DHRSX: variants seen among roughly 807,000 people sequenced by gnomAD.
DHRSX encodes dehydrogenase/reductase X-linked.
In DHRSX, 31 loss-of-function variants were observed where a neutral mutation model predicts 34.0. The observed-to-expected ratio is 0.91, with a 90% CI of 0.69 to 1.23. DHRSX has a LOEUF of 1.23. Ranked by LOEUF, DHRSX falls within the 50% of genes most tolerant of loss-of-function variation. The pLI, the probability that DHRSX is intolerant of heterozygous loss-of-function variation, is 0.00. For synonymous variants in DHRSX, 201 were observed against 183.8 expected (o/e 1.09, Z -0.76); for missense variants, 414 against 428.1 (o/e 0.97, Z 0.29).
At chrX:2,282,869 GA>G (rs1467381329) in intron 4 of DHRSX, among the ~76,000 whole-genome samples, 2 of 133,790 alleles carry the variant, frequency 1.5e-5, no homozygotes, top group Admixed American at 1.5e-4. Flanking sequence ...AGGGGAGAGA[GA>G]GGGGGAGAGA....
At chrX:2,327,210 A>C (rs1023892454) in intron 3 of DHRSX, among the ~76,000 whole-genome samples, 10 of 152,226 alleles carry the variant, frequency 6.6e-5, no homozygotes, top group Admixed American at 1.3e-4. Flanking sequence ...CAAGCAGCAA[A>C]GCTGCAAAAT....
At chrX:2,452,282 C>T (rs911116346) in intron 1 of DHRSX, among the ~76,000 whole-genome samples, 4 of 151,670 alleles carry the variant, frequency 2.6e-5, no homozygotes, top group Non-Finnish European at 4.4e-5. Flanking sequence ...GCTAAGGGAC[C>T]ACCACCATGT....
intron 1 of DHRSX, among the ~76,000 whole-genome samples, chrX:2,458,801 A>G (rs2044350873): frequency 6.6e-6 from 1 of 151,948 alleles, no homozygotes; most frequent in Non-Finnish European, 1.5e-5. Context: ...AGTTTGAGAG[A>G]AGCCTGGGCA....
rs1556457187 is a variant in DHRSX, at chrX:2,298,610, A to ACACACACACACACACACACACACGCG, written c.287-7008_287-7007insCGCGTGTGTGTGTGTGTGTGTGTGTG. On this transcript the variant is annotated intron_variant, in intron 3 of 6. Transcript: ENST00000334651. Reference sequence around the variant, plus strand: ...CCTGCAGGCGCGTGTGTACACACACACACACACACACACACACACACACAC... The same window carrying ACACACACACACACACACACACACGCG: ...CCTGCAGGCGCGTGTGTACACACACACACACACACACACACACACACACGCGCACACACACACACACACACACACAC... Among the ~76,000 whole-genome samples, 6 of 64,718 alleles carry ACACACACACACACACACACACACGCG rather than the reference A, an allele frequency of 9.3e-5. 2 individuals carry two copies. The highest frequency in any genetic ancestry group is 2.2e-4 in the African/African-American group (6 of 26,892). The allele number at this position is 64,718 out of a possible 152,430, so 42.5% of individuals were successfully genotyped here. A position where few individuals can be genotyped will look rare whatever the true frequency, so the allele number is the denominator to read the frequency against.
intron 3 of DHRSX, among the ~76,000 whole-genome samples, chrX:2,378,939 T>C (rs1376114347): frequency 6.6e-6 from 1 of 152,176 alleles, no homozygotes; most frequent in Non-Finnish European, 1.5e-5. Context: ...CCCAAAGTGT[T>C]AGGATTACAG....
At chrX:2,456,503 A>G (rs1437354291) in intron 1 of DHRSX, among the ~76,000 whole-genome samples, 2 of 151,018 alleles carry the variant, frequency 1.3e-5, no homozygotes, top group Non-Finnish European at 2.9e-5. Context: ...AATCCCAGCT[A>G]CTCGGGAGGC....
chrX:2,422,141 T>G (rs1011942579), intron 2 of DHRSX, among the ~76,000 whole-genome samples: 2 of 152,202 alleles, frequency 1.3e-5, no homozygotes, highest in Non-Finnish European at 2.9e-5. Context: ...GACAAATTCA[T>G]GTTGAAATCT....
chrX:2,252,407 A>G (rs1461300241), intron 5 of DHRSX, among the ~76,000 whole-genome samples: 1 of 152,180 alleles, frequency 6.6e-6, no homozygotes, highest in East Asian at 1.9e-4. Context: ...CCCCAGGGGA[A>G]GAGAAGAGTC....
intron 6 of DHRSX, among the ~76,000 whole-genome samples, chrX:2,227,594 G>GA (rs371762118): frequency 1.0e-3 from 68 of 68,162 alleles, no homozygotes; most frequent in Middle Eastern, 9.8e-3. Context: ...GATGAAAAAA[G>GA]AAAAAAAAAC....
intron 1 of DHRSX, chrX:2,489,169 C>T: frequency 1.2e-6 from 2 of 1,613,658 alleles, no homozygotes; most frequent in Non-Finnish European, 1.7e-6. Context: ...AGATCTTGTC[C>T]TCAGCCGGCC....
chrX:2,455,647 G>C (rs150488342), intron 1 of DHRSX, among the ~76,000 whole-genome samples: 6,145 of 151,206 alleles, frequency 0.041, 206 homozygotes, highest in East Asian at 0.066. Flanking sequence ...AGGCTGATGC[G>C]GGAGAATCCC....
chrX:2,284,160 AT>A (rs1434642476), intron 4 of DHRSX, among the ~76,000 whole-genome samples: 2 of 151,154 alleles, frequency 1.3e-5, no homozygotes, highest in African/African-American at 4.8e-5. Flanking sequence ...ATTCCTTTGA[AT>A]TCATTCCTTT....
intron 5 of DHRSX, among the ~76,000 whole-genome samples, chrX:2,265,541 G>C: frequency 7.4e-6 from 1 of 135,074 alleles, no homozygotes; most frequent in Non-Finnish European, 1.6e-5. Flanking sequence ...AGGGAGCACT[G>C]TCCCCAGAGC....
At chrX:2,474,818 G>A (rs1325493887) in intron 1 of DHRSX, among the ~76,000 whole-genome samples, 2 of 151,310 alleles carry the variant, frequency 1.3e-5, no homozygotes, top group African/African-American at 4.9e-5. Flanking sequence ...TATACACACT[G>A]AAGACGTTCC....
chrX:2,244,298 C>T (rs1485425501), intron 5 of DHRSX, among the ~76,000 whole-genome samples: 6 of 87,020 alleles, frequency 6.9e-5, no homozygotes, highest in South Asian at 3.1e-4. Context: ...AAGTGAGTAA[C>T]GTGCCTCTCT....
In DHRSX at chrX:2,221,223, CG is replaced by C; in HGVS notation, c.810del (p.Asp271MetfsTer52). The C allele has an allele frequency of 6.2e-7, 1 of 1,612,770 alleles. No individual in the cohort carries two copies. The highest frequency in any genetic ancestry group is 1.1e-5 in the South Asian group (1 of 90,952). On this transcript the variant is annotated frameshift_variant, in exon 7 of 7. Transcript: ENST00000334651. LOFTEE classifies it high-confidence loss of function. ...TAGATGGAAGTCCACGCTCCTTCAT[CG>C]GGGGTCTGGTGGAAGAAGAAAAGAA... ...KLLGWLLFKTPDEGAWTSIYA... is the reference protein window; with the variant it reads ...KLLGWLLFKTXDEGAWTSIYA...
intron 3 of DHRSX, among the ~76,000 whole-genome samples, chrX:2,374,221 C>T (rs1379888771): frequency 1.3e-5 from 2 of 152,166 alleles, no homozygotes; most frequent in African/African-American, 4.8e-5. Flanking sequence ...ACAGGCATGC[C>T]ACCGTGCCTG....
At position 2,485,844 on chromosome X, in the gene DHRSX, G is replaced by C. The variant is rs1285252117; in HGVS notation, c.109+14973C>G. ...GGAAGGAAGGGAGAGAAGGAAGGAA[G>C]GGAGAGAAAGAAAGAAGGGAAGGGA... On this transcript the variant is annotated intron_variant, in intron 1 of 6. Coordinates refer to ENST00000334651, the MANE Select transcript of DHRSX (RefSeq NM_145177.3). Among the ~76,000 whole-genome samples, 15 of 110,138 alleles carry C rather than the reference G, an allele frequency of 1.4e-4. No homozygotes were observed. In the East Asian group the frequency reaches 3.4e-3, roughly 25 times the overall value. The allele number at this position is 110,138 out of a possible 152,430, so 72.3% of individuals were successfully genotyped here.
intron 3 of DHRSX, among the ~76,000 whole-genome samples, chrX:2,325,042 G>A (rs2042362359): frequency 6.6e-6 from 1 of 151,568 alleles, no homozygotes; most frequent in South Asian, 2.1e-4. Context: ...CAAAAGTGCT[G>A]GGATGACAGG....
Sources: gnomAD v4.1 joint callset for allele counts (sites outside exome capture counted in the v4.1 genomes callset) on GRCh38, gnomAD v4.1.1 for gene constraint, MANE v1.5 for transcripts, NCBI Gene and HGNC (gene_info 2026-07-23, HGNC 2026-07-21) for gene names.